Variants in HUNK observed in about 807,000 individuals in gnomAD.
The protein encoded by HUNK is hormonally up-regulated neu tumor-associated kinase.
HUNK carries 21 observed loss-of-function variants against 61.0 expected under a neutral mutation model. The ratio of observed to expected loss-of-function variants is 0.34; its 90% CI spans 0.24 to 0.50. The LOEUF is 0.50. HUNK is among the 20% of genes least tolerant of loss of function. The pLI, the probability that HUNK is intolerant of heterozygous loss-of-function variation, is 0.98. For missense variants in HUNK, 772 were observed against 945.7 expected, an observed-to-expected ratio of 0.82 and a Z score of 2.41; for synonymous variants, 371 against 386.1, an observed-to-expected ratio of 0.96 and a Z score of 0.46.
At chr21:31,890,144 G>T (rs1048962729) in intron 1 of HUNK, among the ~76,000 whole-genome samples, 1 of 151,918 alleles carries the variant, frequency 6.6e-6, no homozygotes, top group African/African-American at 2.4e-5. Context: ...TCTAAATCAT[G>T]GCCACTTATA....
intron 5 of HUNK, 51 bp from the exon 6 acceptor site, chr21:31,968,199 G>A (rs758711731): frequency 1.9e-6 from 3 of 1,610,128 alleles, no homozygotes; most frequent in African/African-American, 2.7e-5. Context: ...TTTCACTGGT[G>A]TCTGCGTTCA....
intron 6 of HUNK, among the ~76,000 whole-genome samples, chr21:31,971,712 T>C (rs1050111985): frequency 1.3e-5 from 2 of 152,166 alleles, no homozygotes; most frequent in Non-Finnish European, 2.9e-5. Flanking sequence ...TCCAAGTTGA[T>C]CTCTAAAAGC....
intron 9 of HUNK, among the ~76,000 whole-genome samples, chr21:31,990,697 G>A (rs1296045522): frequency 6.6e-6 from 1 of 151,930 alleles, no homozygotes; most frequent in Non-Finnish European, 1.5e-5. Context: ...CATCACGCCT[G>A]GCTAGCTTTT....
At chr21:31,918,129 T>C (rs372030041) in intron 1 of HUNK, among the ~76,000 whole-genome samples, 20 of 152,334 alleles carry the variant, frequency 1.3e-4, no homozygotes, top group South Asian at 6.2e-4. Context: ...TCATTTTTTT[T>C]CCCCATTTCA....
At chr21:31,913,738 C>A (rs2123808283) in intron 1 of HUNK, among the ~76,000 whole-genome samples, 1 of 151,842 alleles carries the variant, frequency 6.6e-6, no homozygotes, top group Middle Eastern at 3.4e-3. Flanking sequence ...TGGACGCGTG[C>A]CTCCCCAGCA....
chr21:31,964,137 G>A (rs2052947617), intron 5 of HUNK, among the ~76,000 whole-genome samples: 1 of 152,130 alleles, frequency 6.6e-6, no homozygotes, highest in Non-Finnish European at 1.5e-5. Flanking sequence ...TACATTCCAA[G>A]CAGTCACTTC....
intron 3 of HUNK, 90 bp downstream of exon 3, chr21:31,940,310 T>G: frequency 1.4e-6 from 1 of 718,920 alleles, no homozygotes; most frequent in Non-Finnish European, 2.3e-6. Flanking sequence ...GGTCTATCTC[T>G]AATACCCAGA....
intron 3 of HUNK, among the ~76,000 whole-genome samples, chr21:31,941,922 A>C (rs550911006): frequency 2.0e-5 from 3 of 152,326 alleles, no homozygotes; most frequent in South Asian, 2.1e-4. Context: ...ATGACAATAA[A>C]AGTTAGAATA....
chr21:31,990,224 C>G (rs778210184), intron 9 of HUNK, 48 bp downstream of exon 9: 1 of 1,477,046 alleles, frequency 6.8e-7, no homozygotes, highest in African/African-American at 1.4e-5. Context: ...TCCAGAGAAA[C>G]AGAACCAATA....
At chr21:31,985,607 G>A (rs537851341) in intron 8 of HUNK, among the ~76,000 whole-genome samples, 182 of 152,310 alleles carry the variant, frequency 1.2e-3, no homozygotes, top group African/African-American at 4.2e-3. Context: ...GGAGGTGGCC[G>A]GCAGTGGGCA....
intron 1 of HUNK, among the ~76,000 whole-genome samples, chr21:31,923,302 G>A (rs1005410473): frequency 4.6e-5 from 7 of 151,918 alleles, no homozygotes; most frequent in African/African-American, 9.7e-5. Context: ...TTAGCCAGCC[G>A]TGGTGGTGTG....
intron 1 of HUNK, among the ~76,000 whole-genome samples, chr21:31,921,999 A>G (rs1293632255): frequency 2.0e-5 from 3 of 152,162 alleles, no homozygotes; most frequent in Admixed American, 6.5e-5. Flanking sequence ...TGAGAACATT[A>G]AAAAATCTCT....
chr21:31,912,277 G>T (rs1020261899), intron 1 of HUNK, among the ~76,000 whole-genome samples: 2 of 152,142 alleles, frequency 1.3e-5, no homozygotes, highest in Non-Finnish European at 2.9e-5. Flanking sequence ...ATGACCGAGG[G>T]TTTGGTGCCT....
intron 1 of HUNK, among the ~76,000 whole-genome samples, chr21:31,914,251 T>C (rs1480122805): frequency 2.0e-5 from 3 of 151,600 alleles, no homozygotes; most frequent in Non-Finnish European, 4.4e-5. Context: ...CTACTAAAAA[T>C]ACAAAATTAG....
chr21:31,950,661 G>A (rs1285925863), intron 4 of HUNK, among the ~76,000 whole-genome samples: 1 of 152,174 alleles, frequency 6.6e-6, no homozygotes, highest in African/African-American at 2.4e-5. Flanking sequence ...TTGTGTCTGA[G>A]ATACAAGTTA....
intron 1 of HUNK, among the ~76,000 whole-genome samples, chr21:31,891,582 A>C (rs2052388017): frequency 6.6e-6 from 1 of 152,242 alleles, no homozygotes. Context: ...GTGAGGTTAC[A>C]GTTCACTATG....
chr21:31,970,779 C>T (rs2053004599), intron 6 of HUNK, among the ~76,000 whole-genome samples: 1 of 152,136 alleles, frequency 6.6e-6, no homozygotes, highest in Admixed American at 6.5e-5. Flanking sequence ...TGTAGCTTTC[C>T]CACAGTTTGC....
chr21:31,908,072 A>G (rs1218140970), intron 1 of HUNK, among the ~76,000 whole-genome samples: 1 of 152,198 alleles, frequency 6.6e-6, no homozygotes, highest in Middle Eastern at 3.2e-3. Context: ...TAAATGAACA[A>G]AAACTTAAGG....
At chr21:31,937,783 C>T (rs983278143) in intron 2 of HUNK, among the ~76,000 whole-genome samples, 4 of 152,186 alleles carry the variant, frequency 2.6e-5, no homozygotes, top group Admixed American at 6.5e-5. Flanking sequence ...AAAAATTATA[C>T]ATTTGTGTTT....
Sources: gnomAD v4.1 joint callset for allele counts (sites outside exome capture counted in the v4.1 genomes callset) on GRCh38, gnomAD v4.1.1 for gene constraint, MANE v1.5 for transcripts, NCBI Gene and HGNC (gene_info 2026-07-23, HGNC 2026-07-21) for gene names.